Variants in CWH43 observed in about 807,000 individuals in gnomAD.
The protein encoded by CWH43 is cell wall biogenesis 43 C-terminal homolog.
In CWH43, 91 loss-of-function variants were observed where a neutral mutation model predicts 85.7. The observed-to-expected ratio is 1.06, with a 90% CI of 0.90 to 1.26. The LOEUF (loss-of-function observed/expected upper bound fraction) is 1.26. Among genes scored for constraint, CWH43 ranks in the 50% most tolerant of loss-of-function variants. CWH43 has a pLI of 0.00. For synonymous variants in CWH43, 323 were observed against 293.6 expected, an observed-to-expected ratio of 1.10 and a Z score of -1.02; for missense variants, 869 against 839.2, an observed-to-expected ratio of 1.04 and a Z score of -0.44.
intron 6 of CWH43, among the ~76,000 whole-genome samples, chr4:49,000,878 T>C (rs1782968219): frequency 6.6e-6 from 1 of 152,208 alleles, no homozygotes; most frequent in Non-Finnish European, 1.5e-5. Context: ...AGAAGGCTGC[T>C]TGCAGTAGAA....
Position 49,044,767 on chromosome 4 carries a change from C to T in CWH43, c.1804-19C>T. On this transcript the variant is annotated intron_variant, in intron 13 of 15. Coordinates refer to ENST00000226432, the MANE Select transcript of CWH43 (RefSeq NM_025087.3). ...TTGCTTTTTATGCTTTAAACATTCTCCTCTCTGCTCTTTATTAGGATATCG... is the reference window on the plus strand; with the variant it reads ...TTGCTTTTTATGCTTTAAACATTCTTCTCTCTGCTCTTTATTAGGATATCG... The T allele has an allele frequency of 1.2e-6, 2 of 1,603,886 alleles. No individual in the cohort carries two copies. The highest frequency in any genetic ancestry group is 1.7e-6 in the Non-Finnish European group (2 of 1,173,604).
At chr4:48,995,982 G>A (rs1782797994) in intron 5 of CWH43, among the ~76,000 whole-genome samples, 1 of 147,278 alleles carries the variant, frequency 6.8e-6, no homozygotes, top group Non-Finnish European at 1.5e-5. Flanking sequence ...CCAATACCTG[G>A]TGGCCCCCAA....
chr4:49,033,762 AACTTAT>A (rs1334414505), intron 12 of CWH43, among the ~76,000 whole-genome samples: 1 of 152,232 alleles, frequency 6.6e-6, no homozygotes, highest in African/African-American at 2.4e-5. Context: ...AAAAGTATGT[AACTTAT>A]ACTTGACCAT....
At chr4:49,017,858 T>A (rs1783608337) in intron 9 of CWH43, among the ~76,000 whole-genome samples, 1 of 151,610 alleles carries the variant, frequency 6.6e-6, no homozygotes, top group African/African-American at 2.4e-5. Context: ...TTTTATTTGA[T>A]GGAGTCTCAC....
In CWH43 at chr4:49,030,939, G is replaced by A; in HGVS notation, c.1487G>A (p.Ser496Asn). ...GGTTTCTATACAGACTTTGGTCCAA[G>A]CACAAGGTATCACACTTGGGGGTGA... Reference protein sequence around the residue: ...KLGFYTDFGPSTRYHTWGIMA... With the variant: ...KLGFYTDFGPNTRYHTWGIMA... Residue 496 changes from serine (S) to asparagine (N), a missense_variant, in exon 11 of 16, where the codon AGC (serine) becomes AAC (asparagine). Physicochemically the swap from Ser to Asn is conservative, Grantham distance 46 (BLOSUM62 1). Transcript: ENST00000226432. 6.2e-7 allele frequency: 1 copy of A among 1,602,510 alleles called. No homozygotes were observed. Among genetic ancestry groups the A allele is most frequent in the Admixed American group, 1.7e-5 (1 of 57,374 alleles).
chr4:49,010,586 C>T (rs1783325305), intron 8 of CWH43, among the ~76,000 whole-genome samples: 1 of 152,120 alleles, frequency 6.6e-6, no homozygotes, highest in South Asian at 2.1e-4. Flanking sequence ...GATTTTAGAT[C>T]TTTCCTGCTG....
chr4:48,988,123 G>A (rs1193046754), intron 1 of CWH43, among the ~76,000 whole-genome samples: 2 of 152,182 alleles, frequency 1.3e-5, no homozygotes, highest in Admixed American at 1.3e-4. Flanking sequence ...GGCCTGATGC[G>A]AGGAGTGGGA....
At position 48,988,707 on chromosome 4, in the gene CWH43, A is replaced by G. The variant is rs1198138614; in HGVS notation, c.235+39A>G. ...GAGTTTCTTTAAGTTGTTTTTTTTA[A>G]GTTAAAAATCAAGTGAGATTATGTA... On this transcript the variant is annotated intron_variant, in intron 2 of 15. Transcript: ENST00000226432. 3.7e-6 allele frequency: 5 copies of G among 1,341,290 alleles called. No homozygotes were observed. The African/African-American group carries it at 7.4e-5, about 20-fold the overall frequency. The allele number at this position is 1,341,290 out of a possible 1,614,324, so 83.1% of individuals were successfully genotyped here. A position where few individuals can be genotyped will look rare whatever the true frequency, so the allele number is the denominator to read the frequency against.
chr4:49,046,893 T>A (rs1423211847), intron 14 of CWH43, among the ~76,000 whole-genome samples: 1 of 152,144 alleles, frequency 6.6e-6, no homozygotes, highest in Admixed American at 6.6e-5. Flanking sequence ...ACTCAAGGGT[T>A]CTCCTGTTAG....
At chr4:49,047,755 A>G (rs1784672553) in intron 14 of CWH43, among the ~76,000 whole-genome samples, 1 of 152,122 alleles carries the variant, frequency 6.6e-6, no homozygotes, top group Admixed American at 6.6e-5. Flanking sequence ...CAGATCTTGT[A>G]AGGATCTAGG....
At chr4:49,023,217 A>G (rs1459806824) in intron 9 of CWH43, among the ~76,000 whole-genome samples, 3 of 152,080 alleles carry the variant, frequency 2.0e-5, no homozygotes, top group African/African-American at 7.2e-5. Flanking sequence ...TGTATCCCAG[A>G]GGTTTTGATA....
intron 6 of CWH43, among the ~76,000 whole-genome samples, chr4:49,001,279 T>A (rs1344642127): frequency 2.6e-5 from 4 of 152,198 alleles, no homozygotes; most frequent in Admixed American, 2.0e-4. Flanking sequence ...TTTTACTATA[T>A]GGAAAACTTC....
At chr4:49,040,601 T>C (rs1399663935) in intron 13 of CWH43, among the ~76,000 whole-genome samples, 1 of 152,224 alleles carries the variant, frequency 6.6e-6, no homozygotes, top group Non-Finnish European at 1.5e-5. Context: ...TTTGTTTTTT[T>C]CTTGTAAATT....
intron 8 of CWH43, among the ~76,000 whole-genome samples, chr4:49,014,792 C>T (rs535483130): frequency 3.3e-5 from 5 of 150,766 alleles, no homozygotes; most frequent in Middle Eastern, 3.4e-3. Flanking sequence ...ATGCCTCATG[C>T]CCCCACATAC....
At chr4:48,996,905 A>C (rs1005272719) in intron 5 of CWH43, among the ~76,000 whole-genome samples, 3 of 152,172 alleles carry the variant, frequency 2.0e-5, no homozygotes, top group African/African-American at 7.2e-5. Context: ...CATTTCCCAA[A>C]CTGTGTTCTG....
intron 15 of CWH43, among the ~76,000 whole-genome samples, chr4:49,057,126 C>T (rs1232464261): frequency 6.6e-6 from 1 of 152,198 alleles, no homozygotes; most frequent in East Asian, 1.9e-4. Context: ...AGACAGTTCT[C>T]AGTCAATTTA....
At chr4:49,020,792 C>A (rs1339198909) in intron 9 of CWH43, among the ~76,000 whole-genome samples, 1 of 152,138 alleles carries the variant, frequency 6.6e-6, no homozygotes, top group Non-Finnish European at 1.5e-5. Flanking sequence ...TTTGATCAGG[C>A]ATTTCCCTGA....
In CWH43 at chr4:49,061,899, A is replaced by G. The variant is rs1488569954; in HGVS notation, c.*9A>G. On this transcript the variant is annotated 3_prime_UTR_variant, in exon 16 of 16. Coordinates refer to ENST00000226432, the MANE Select transcript of CWH43 (RefSeq NM_025087.3). ...CCAAATACTTTTTATGAAACATTTA[A>G]AACAAGAAGTTATTGGCTGGGAAAA... 3.0e-6 allele frequency: 4 copies of G among 1,351,034 alleles called. No homozygotes were observed. The highest frequency in any genetic ancestry group is 3.9e-6 in the Non-Finnish European group (4 of 1,019,242). 83.7% of individuals were successfully genotyped at this position (1,351,034 alleles called of 1,614,324 possible). A position where few individuals can be genotyped will look rare whatever the true frequency, so the allele number is the denominator to read the frequency against.
chr4:49,053,305 C>A (rs1437379095), intron 15 of CWH43, among the ~76,000 whole-genome samples: 1 of 152,038 alleles, frequency 6.6e-6, no homozygotes, highest in Admixed American at 6.6e-5. Flanking sequence ...GGATGTATAC[C>A]AAGAAGTGGG....
Sources: gnomAD v4.1 joint callset for allele counts (sites outside exome capture counted in the v4.1 genomes callset) on GRCh38, gnomAD v4.1.1 for gene constraint, MANE v1.5 for transcripts, NCBI Gene and HGNC (gene_info 2026-07-23, HGNC 2026-07-21) for gene names.